The following SLC39A11 variants were observed in gnomAD, a reference collection of about 807,000 sequenced individuals.
SLC39A11 encodes the protein solute carrier family 39 member 11, also known as zinc transporter ZIP11.
SLC39A11 carries 33 observed loss-of-function variants against 36.1 expected under a neutral mutation model. The ratio of observed to expected loss-of-function variants is 0.91; its 90% CI spans 0.69 to 1.22. The LOEUF (loss-of-function observed/expected upper bound fraction) is 1.22. Ranked by LOEUF, SLC39A11 falls within the 50% of genes most tolerant of loss-of-function variation. The pLI, the probability that SLC39A11 is intolerant of heterozygous loss-of-function variation, is 0.00. For missense variants in SLC39A11, 432 were observed against 430.3 expected, an observed-to-expected ratio of 1.00 and a Z score of -0.03; for synonymous variants, 166 against 170.3, an observed-to-expected ratio of 0.97 and a Z score of 0.20.
chr17:72,846,529 T>C (rs1387741331), intron 6 of SLC39A11, among the ~76,000 whole-genome samples: 1 of 152,236 alleles, frequency 6.6e-6, no homozygotes, highest in Non-Finnish European at 1.5e-5. Flanking sequence ...TTCCAAGTTG[T>C]CACTGGAGTC....
chr17:72,781,455 G>A (rs1421326182), intron 6 of SLC39A11, among the ~76,000 whole-genome samples: 3 of 148,322 alleles, frequency 2.0e-5, no homozygotes, highest in Non-Finnish European at 3.0e-5. Flanking sequence ...ACGGAGTCTC[G>A]CTCTATCGCC....
In SLC39A11 at chr17:72,845,942, C is replaced by T. The variant is rs1256657213; in HGVS notation, c.601+3692G>A. ...TACTATTATTTTTGAGACGGAGTCT[C>T]GCTGTGTCACCCAGGATGGAGTGTG... On this transcript the variant is annotated intron_variant, in intron 6 of 9. Transcript: ENST00000255559. 2.7e-5 allele frequency among the ~76,000 whole-genome samples: 4 copies of T among 150,262 alleles called. No individual in the cohort carries two copies. The East Asian group carries it at 5.9e-4, about 22-fold the overall frequency.
intron 5 of SLC39A11, among the ~76,000 whole-genome samples, chr17:72,868,618 C>CAAAAAAAAAAAAAAAAAA (rs71354894): frequency 5.3e-5 from 3 of 56,464 alleles, no homozygotes; most frequent in Non-Finnish European, 6.2e-5. Context: ...CCTGTCTCTA[C>CAAAAAAAAAAAAAAAAAA]AAAAAAAAAA....
intron 6 of SLC39A11, among the ~76,000 whole-genome samples, chr17:72,820,075 G>A (rs2077712839): frequency 6.6e-6 from 1 of 151,314 alleles, no homozygotes; most frequent in Non-Finnish European, 1.5e-5. Context: ...GCCAAAGCCA[G>A]AAAACAAGTG....
At chr17:73,090,508 A>C (rs530326984) in intron 1 of SLC39A11, among the ~76,000 whole-genome samples, 9 of 152,362 alleles carry the variant, frequency 5.9e-5, no homozygotes, top group African/African-American at 1.7e-4. Context: ...CATCTGGACC[A>C]TTACACCAAT....
At chr17:72,990,537 C>A (rs1362959252) in intron 4 of SLC39A11, among the ~76,000 whole-genome samples, 4 of 152,146 alleles carry the variant, frequency 2.6e-5, no homozygotes, top group African/African-American at 9.7e-5. Context: ...CCTGCCTCAG[C>A]CCTCAGCCTC....
intron 7 of SLC39A11, among the ~76,000 whole-genome samples, chr17:72,676,789 G>T (rs1420888054): frequency 6.6e-6 from 1 of 152,184 alleles, no homozygotes; most frequent in Non-Finnish European, 1.5e-5. Context: ...TAGGCAGAGG[G>T]TGCCTATGTG....
intron 9 of SLC39A11, among the ~76,000 whole-genome samples, chr17:72,648,297 T>TC (rs1179956293): frequency 3.5e-5 from 5 of 143,148 alleles, no homozygotes; most frequent in African/African-American, 1.3e-4. Flanking sequence ...ACCACTGCAC[T>TC]CCAGCCTGGG....
At chr17:72,771,701 G>A (rs1360417945) in intron 6 of SLC39A11, among the ~76,000 whole-genome samples, 1 of 152,186 alleles carries the variant, frequency 6.6e-6, no homozygotes, top group Non-Finnish European at 1.5e-5. Context: ...CCACGCTGAG[G>A]CCAACTGCAA....
intron 2 of SLC39A11, among the ~76,000 whole-genome samples, chr17:73,088,204 G>A (rs1250137966): frequency 6.7e-6 from 1 of 149,986 alleles, no homozygotes; most frequent in Non-Finnish European, 1.5e-5. Context: ...TGAGGCAGGA[G>A]AATCACTTGA....
intron 5 of SLC39A11, among the ~76,000 whole-genome samples, chr17:72,868,619 A>T (rs975238679): frequency 1.8e-4 from 4 of 22,174 alleles, no homozygotes; most frequent in African/African-American, 6.5e-4. Context: ...CTGTCTCTAC[A>T]AAAAAAAAAA....
intron 7 of SLC39A11, among the ~76,000 whole-genome samples, chr17:72,661,689 C>G (rs1324706467): frequency 6.6e-6 from 1 of 152,166 alleles, no homozygotes; most frequent in South Asian, 2.1e-4. Flanking sequence ...GCAGGGCTGC[C>G]CGGCCCTACC....
chr17:72,879,934 C>G (rs185221029), intron 5 of SLC39A11, among the ~76,000 whole-genome samples: 1 of 152,326 alleles, frequency 6.6e-6, no homozygotes, highest in Admixed American at 6.5e-5. Context: ...CACTTTCTGA[C>G]CAATCAGTGA....
At chr17:73,088,185 T>C (rs913366096) in intron 2 of SLC39A11, among the ~76,000 whole-genome samples, 1 of 151,692 alleles carries the variant, frequency 6.6e-6, no homozygotes, top group Admixed American at 6.6e-5. Flanking sequence ...TCCCAGCTAC[T>C]CTGGAGGCTG....
At chr17:72,975,671 T>C (rs529179552) in intron 4 of SLC39A11, among the ~76,000 whole-genome samples, 121 of 152,332 alleles carry the variant, frequency 7.9e-4, no homozygotes, top group Non-Finnish European at 1.3e-3. Flanking sequence ...TATTTTGTTA[T>C]AGCAGCCCAA....
Position 72,654,472 on chromosome 17 carries a change from G to T in SLC39A11, c.672-5204C>A, listed in dbSNP as rs142915505. Among the ~76,000 whole-genome samples, 72 of 152,340 alleles carry T rather than the reference G, an allele frequency of 4.7e-4. No individual in the cohort carries two copies. In the East Asian group the frequency reaches 0.012, roughly 26 times the overall value. ...CTGAGCTCCTATTCCAGGAGTTGGA[G>T]ACATGTGAATATATTTATGTTGAGG... On this transcript the variant is annotated intron_variant, in intron 7 of 9. Transcript: ENST00000255559.
intron 5 of SLC39A11, among the ~76,000 whole-genome samples, chr17:72,918,738 CAAAG>C (rs1328905610): frequency 2.0e-5 from 3 of 152,078 alleles, no homozygotes; most frequent in Admixed American, 2.0e-4. Flanking sequence ...ACCTCAAACC[CAAAG>C]AAAGAAGGGC....
chr17:73,092,473 C>T (rs1409617733), intron 1 of SLC39A11, 138 bp downstream of exon 1: 1 of 94,234 alleles, frequency 1.1e-5, no homozygotes, highest in Non-Finnish European at 2.0e-5. Context: ...CTCCTCCAAA[C>T]CCCTCCTCTC....
At chr17:72,777,818 A>G (rs1259129472) in intron 6 of SLC39A11, among the ~76,000 whole-genome samples, 2 of 152,140 alleles carry the variant, frequency 1.3e-5, no homozygotes, top group African/African-American at 4.8e-5. Context: ...GAAGATTCTG[A>G]GACAGGCACT....
Sources: allele counts gnomAD v4.1 joint callset (sites outside exome capture counted in the v4.1 genomes callset), GRCh38; gene constraint gnomAD v4.1.1; transcripts MANE v1.5; gene names NCBI Gene and HGNC (gene_info 2026-07-23, HGNC 2026-07-21).